Variants in GPR158 observed in about 807,000 individuals in gnomAD.
GPR158 encodes metabotropic glycine receptor.
In GPR158, 30 loss-of-function variants were observed where a neutral mutation model predicts 78.2. The observed-to-expected ratio is 0.38, with a 90% CI of 0.29 to 0.52. The LOEUF (loss-of-function observed/expected upper bound fraction) is 0.52. Among genes scored for constraint, GPR158 ranks in the 20% least tolerant of loss-of-function variants. GPR158 has a pLI of 0.83. For synonymous variants in GPR158, 581 were observed against 591.1 expected, an observed-to-expected ratio of 0.98 and a Z score of 0.25; for missense variants, 1,463 against 1,523.5, an observed-to-expected ratio of 0.96 and a Z score of 0.66.
chr10:25,313,586 A>G (rs1854799722), intron 2 of GPR158, among the ~76,000 whole-genome samples: 1 of 152,046 alleles, frequency 6.6e-6, no homozygotes, highest in Non-Finnish European at 1.5e-5. Flanking sequence ...TTGATCGTTT[A>G]TGGCCATAAT....
chr10:25,361,996 A>G (rs536492975), intron 2 of GPR158, among the ~76,000 whole-genome samples: 24 of 151,760 alleles, frequency 1.6e-4, no homozygotes, highest in African/African-American at 4.6e-4. Flanking sequence ...TCATTTGTTT[A>G]TTTTTGGTTG....
At chr10:25,217,410 G>A (rs1471490851) in intron 1 of GPR158, among the ~76,000 whole-genome samples, 1 of 152,118 alleles carries the variant, frequency 6.6e-6, no homozygotes, top group African/African-American at 2.4e-5. Flanking sequence ...AGTTACCACC[G>A]AAAGACCTAG....
At chr10:25,314,573 G>A (rs955946155) in intron 2 of GPR158, among the ~76,000 whole-genome samples, 3 of 150,192 alleles carry the variant, frequency 2.0e-5, no homozygotes, top group Non-Finnish European at 4.4e-5. Context: ...TTAGATCAAT[G>A]TTTTTCTTTA....
chr10:25,372,609 CA>C (rs1834013688), intron 2 of GPR158, among the ~76,000 whole-genome samples: 1 of 144,852 alleles, frequency 6.9e-6, no homozygotes, highest in Non-Finnish European at 1.5e-5. Context: ...ATCGCAAGAA[CA>C]AAAAACCAAA....
chr10:25,186,500 A>C (rs1487097219), intron 1 of GPR158, among the ~76,000 whole-genome samples: 3 of 152,330 alleles, frequency 2.0e-5, no homozygotes, highest in African/African-American at 7.2e-5. Flanking sequence ...AAGAAAAGAG[A>C]GAAGAATCAA....
chr10:25,446,232 T>A (rs1202974491), intron 4 of GPR158, among the ~76,000 whole-genome samples: 1 of 152,218 alleles, frequency 6.6e-6, no homozygotes, highest in Non-Finnish European at 1.5e-5. Context: ...ATTTATTTAT[T>A]CTATTGGTAT....
Position 25,600,674 on chromosome 10 carries a change from C to A in GPR158, c.*1400C>A, listed in dbSNP as rs190436304. On this transcript the variant is annotated 3_prime_UTR_variant, in exon 11 of 11. Transcript: ENST00000376351. ...TTTTATAACCTTATTTATTCAAAAC[C>A]TATAAGGTGGTATGGAATCTTCATT... 1 of 152,644 alleles carries A rather than the reference C, an allele frequency of 6.6e-6. No individual in the cohort carries two copies. The highest frequency in any genetic ancestry group is 2.4e-5 in the African/African-American group (1 of 41,540). The allele number at this position is 152,644 out of a possible 1,614,324, so 9.5% of individuals were successfully genotyped here.
intron 5 of GPR158, among the ~76,000 whole-genome samples, chr10:25,481,217 C>CA (rs972514171): frequency 2.6e-5 from 4 of 151,614 alleles, no homozygotes; most frequent in African/African-American, 9.7e-5. Flanking sequence ...CACAGAGTGT[C>CA]ACCCAAGCAG....
chr10:25,419,950 T>C (rs1208108378), intron 4 of GPR158, among the ~76,000 whole-genome samples: 1 of 152,178 alleles, frequency 6.6e-6, no homozygotes, highest in Non-Finnish European at 1.5e-5. Flanking sequence ...GCAGACTAGT[T>C]TTACTACTCT....
chr10:25,406,285 C>T (rs1834514408), intron 3 of GPR158, among the ~76,000 whole-genome samples: 1 of 152,132 alleles, frequency 6.6e-6, no homozygotes, highest in Admixed American at 6.6e-5. Context: ...ATATTCCAGC[C>T]TTCCATCTTC....
chr10:25,373,847 G>A (rs918302588), intron 2 of GPR158, among the ~76,000 whole-genome samples: 1 of 151,700 alleles, frequency 6.6e-6, no homozygotes, highest in Non-Finnish European at 1.5e-5. Flanking sequence ...TTAGTCCACT[G>A]TATATTCAAA....
intron 5 of GPR158, among the ~76,000 whole-genome samples, chr10:25,491,886 TA>T (rs1835814953): frequency 6.6e-6 from 1 of 152,212 alleles, no homozygotes; most frequent in East Asian, 1.9e-4. Context: ...TGGTTTCCTA[TA>T]TTTGTCATTA....
At chr10:25,307,174 T>C (rs952620708) in intron 2 of GPR158, among the ~76,000 whole-genome samples, 1 of 152,148 alleles carries the variant, frequency 6.6e-6, no homozygotes, top group Non-Finnish European at 1.5e-5. Context: ...TTTCAGGTAG[T>C]CTTATAGTTT....
chr10:25,466,570 T>C lies in GPR158; in HGVS notation c.1336-81T>C, dbSNP rs977697069. 1.7e-5 allele frequency: 14 copies of C among 836,998 alleles called. No homozygotes were observed. The Admixed American group carries it at 2.4e-4, about 14-fold the overall frequency. 51.8% of individuals were successfully genotyped at this position (836,998 alleles called of 1,614,324 possible). On this transcript the variant is annotated intron_variant, in intron 4 of 10. Transcript: ENST00000376351. ...CCCCAAAGAATGCTGTCCTACTGCA[T>C]TGTGGCATTTTCACAATAGCGTGAA...
chr10:25,595,080 C>T (rs1424888208), intron 9 of GPR158, among the ~76,000 whole-genome samples: 1 of 151,950 alleles, frequency 6.6e-6, no homozygotes, highest in Non-Finnish European at 1.5e-5. Flanking sequence ...TATTATTTTC[C>T]TCTTTTATAC....
intron 5 of GPR158, among the ~76,000 whole-genome samples, chr10:25,483,391 T>C (rs897250720): frequency 1.3e-5 from 2 of 152,002 alleles, no homozygotes; most frequent in Admixed American, 6.6e-5. Flanking sequence ...TTTCATGTCT[T>C]TGCTAAAATA....
intron 4 of GPR158, among the ~76,000 whole-genome samples, chr10:25,432,948 G>T (rs962448219): frequency 2.0e-5 from 3 of 152,160 alleles, no homozygotes; most frequent in African/African-American, 7.2e-5. Context: ...ATCAGACTGT[G>T]ATCACAATGA....
chr10:25,252,345 T>C (rs1298526768), intron 2 of GPR158, among the ~76,000 whole-genome samples: 30 of 152,342 alleles, frequency 2.0e-4, no homozygotes, highest in East Asian at 5.8e-4. Flanking sequence ...AGCTTTGTTC[T>C]GTTGCTGGTG....
chr10:25,317,740 T>TG (rs1854880237), intron 2 of GPR158, among the ~76,000 whole-genome samples: 2 of 145,754 alleles, frequency 1.4e-5, no homozygotes, highest in Admixed American at 6.6e-5. Context: ...TGTTTTGTTT[T>TG]GTTTTTGAGA....
Sources: gnomAD v4.1 joint callset for allele counts (sites outside exome capture counted in the v4.1 genomes callset) on GRCh38, gnomAD v4.1.1 for gene constraint, MANE v1.5 for transcripts, NCBI Gene and HGNC (gene_info 2026-07-23, HGNC 2026-07-21) for gene names.